BTNL3: variants seen among roughly 807,000 people sequenced by gnomAD.
The protein encoded by BTNL3 is butyrophilin like 3, also known as butyrophilin-like protein 3.
Under a neutral mutation model 40.1 loss-of-function variants are expected in BTNL3, and 20 were observed. The ratio of observed to expected loss-of-function variants is 0.50; its 90% CI spans 0.35 to 0.72. The LOEUF is 0.72. BTNL3 is among the 30% of genes least tolerant of loss of function. The pLI is 0.01. For synonymous variants in BTNL3, 179 were observed against 222.1 expected (o/e 0.81, Z 1.73); for missense variants, 449 against 582.2 (o/e 0.77, Z 2.35).
In BTNL3 at chr5:181,006,598, C is replaced by G. The variant is rs996841810; in HGVS notation, c.*726C>G. On this transcript the variant is annotated 3_prime_UTR_variant, in exon 8 of 8. Transcript: ENST00000342868. Reference sequence around the variant, plus strand: ...CTAAATAAAATTTTAACAAATTAAACTAAACAATATATTTAAAGATGATAT... The same window carrying G: ...CTAAATAAAATTTTAACAAATTAAAGTAAACAATATATTTAAAGATGATAT... The G allele has an allele frequency of 2.0e-5, 3 of 152,186 alleles. No homozygotes were observed. The highest frequency in any genetic ancestry group is 4.4e-5 in the Non-Finnish European group (3 of 68,042). The allele number at this position is 152,186 out of a possible 1,614,324, so 9.4% of individuals were successfully genotyped here.
rs757739808 is a variant in BTNL3 at position 180,995,200 on chromosome 5, G to T, written c.398-2013G>T. Among the ~76,000 whole-genome samples the T allele has an allele frequency of 1.5e-5, 2 of 136,304 alleles. 1 individual carries two copies. The highest frequency in any genetic ancestry group is 3.4e-5 in the Non-Finnish European group (2 of 59,634). The allele number at this position is 136,304 out of a possible 152,430, so 89.4% of individuals were successfully genotyped here. A position where few individuals can be genotyped will look rare whatever the true frequency, so the allele number is the denominator to read the frequency against. Reference sequence around the variant, plus strand: ...TGATTTGTTTTTTATAACATCTATGGTTTTTGTTTTTTAAATTTTTTGAGA... The same window carrying T: ...TGATTTGTTTTTTATAACATCTATGTTTTTTGTTTTTTAAATTTTTTGAGA... On this transcript the variant is annotated intron_variant, in intron 2 of 7. Transcript: ENST00000342868.
chr5:181,004,825 G>C, intron 7 of BTNL3, 63 bp downstream of exon 7: 1 of 1,613,988 alleles, frequency 6.2e-7, no homozygotes. Context: ...GACAGATATG[G>C]AGCCCATCCA....
Position 181,000,956 on chromosome 5 carries a change from A to G in BTNL3, c.674-1716A>G, listed in dbSNP as rs968084209. On this transcript the variant is annotated intron_variant, in intron 3 of 7. Transcript: ENST00000342868. ...CACTTCAATAAGGGAAGAAAATGTAAAAGTTATAACTTTTAGAAAGAAAAA... is the reference window on the plus strand; with the variant it reads ...CACTTCAATAAGGGAAGAAAATGTAGAAGTTATAACTTTTAGAAAGAAAAA... Among the ~76,000 whole-genome samples, 36 of 137,114 alleles carry G rather than the reference A, an allele frequency of 2.6e-4. 9 individuals are homozygous for G. Among genetic ancestry groups the G allele is most frequent in the Admixed American group, 2.0e-3 (26 of 13,080 alleles). The allele number at this position is 137,114 out of a possible 152,430, so 90.0% of individuals were successfully genotyped here.
chr5:181,000,791 C>T (rs192477358), intron 3 of BTNL3, among the ~76,000 whole-genome samples: 4 of 130,840 alleles, frequency 3.1e-5, no homozygotes, highest in Admixed American at 8.2e-5. Context: ...CCGGCCTGGG[C>T]GACAGAGCGA....
rs1424365246 is a variant in BTNL3 at position 181,006,061 on chromosome 5, A to G, written c.*189A>G. ...TGCAGCAGCGGCAGTCACAGCTTCC[A>G]GATGAGGGGGGATTGGCCTGACCCT... On this transcript the variant is annotated 3_prime_UTR_variant, in exon 8 of 8. Coordinates refer to ENST00000342868, the MANE Select transcript of BTNL3 (RefSeq NM_197975.3). The G allele has an allele frequency of 3.2e-6, 2 of 633,384 alleles. No homozygotes were observed. The highest frequency in any genetic ancestry group is 1.8e-5 in the African/African-American group (1 of 54,598). 39.2% of individuals were successfully genotyped at this position (633,384 alleles called of 1,614,324 possible).
rs763058927 is a variant in BTNL3 at position 181,005,676 on chromosome 5, C to A, written c.1205C>A (p.Thr402Asn). 1.9e-6 allele frequency: 3 copies of A among 1,614,158 alleles called. No individual in the cohort carries two copies. Among genetic ancestry groups the A allele is most frequent in the Non-Finnish European group, 2.5e-6 (3 of 1,180,026 alleles). The change falls in exon 8 of 8, where the codon ACC becomes AAC. Residue 402 changes from threonine to asparagine, a missense_variant. This residue lies in a region of BTNL3 where 126 missense variants were observed against 117.2 expected (regional missense o/e 1.07). Coordinates refer to ENST00000342868, the MANE Select transcript of BTNL3 (RefSeq NM_197975.3). The part of the protein sequence containing the change: ...NPHFISLPPS[T>N]PPTRVGVFLD... ...CATTTTATCAGCCTCCCCCCCAGCA[C>A]CCCTCCTACACGAGTAGGGGTCTTC...
chr5:181,005,963 T>C lies in BTNL3; in HGVS notation c.*91T>C. The C allele has an allele frequency of 1.5e-6, 2 of 1,375,998 alleles. No homozygotes were observed. The highest frequency in any genetic ancestry group is 1.9e-6 in the Non-Finnish European group (2 of 1,028,446). The allele number at this position is 1,375,998 out of a possible 1,614,324, so 85.2% of individuals were successfully genotyped here. Reference sequence around the variant, plus strand: ...CCCGACAGGTGGCCCCAGCTTCCTCTCCGGAGCCTGCGCACAGAGAGTCAC... The same window carrying C: ...CCCGACAGGTGGCCCCAGCTTCCTCCCCGGAGCCTGCGCACAGAGAGTCAC... On this transcript the variant is annotated 3_prime_UTR_variant, in exon 8 of 8. Coordinates refer to ENST00000342868, the MANE Select transcript of BTNL3 (RefSeq NM_197975.3).
Position 180,992,912 on chromosome 5 carries a change from C to G in BTNL3, c.149C>G (p.Ala50Gly). The change falls in exon 2 of 8, where the codon GCT becomes GGT. Residue 50 changes from alanine to glycine, a missense_variant. Ala to Gly is a moderately conservative substitution (Grantham distance 60). This residue lies in a region of BTNL3 where 323 missense variants were observed against 464.9 expected (regional missense o/e 0.69). Transcript: ENST00000342868. Reference sequence around the variant, plus strand: ...CTCTTTCCTGAGACCAGTGCAGAGGCTATGGAAGTGCGGTTCTTCAGGAAT... The same window carrying G: ...CTCTTTCCTGAGACCAGTGCAGAGGGTATGGAAGTGCGGTTCTTCAGGAAT... ...CSLFPETSAE[A>G]MEVRFFRNQF... is the part of the protein sequence containing the mutation. The G allele has an allele frequency of 1.6e-5, 23 of 1,463,426 alleles. 7 individuals carry two copies. The highest frequency in any genetic ancestry group is 2.1e-5 in the Non-Finnish European group (22 of 1,058,954). The allele number at this position is 1,463,426 out of a possible 1,614,324, so 90.7% of individuals were successfully genotyped here.
In BTNL3 at chr5:181,003,490, TA is replaced by T. The variant is rs1390825943; in HGVS notation, c.788-362del. ...AGGAAATAAAACTGACTGACTGAGA[TA>T]AAATGATAATCTCAGTAAGAGTCTT... On this transcript the variant is annotated intron_variant, in intron 4 of 7. Transcript: ENST00000342868. 3.6e-5 allele frequency among the ~76,000 whole-genome samples: 5 copies of T among 137,294 alleles called. 1 individual carries two copies. Among genetic ancestry groups the T allele is most frequent in the South Asian group, 4.3e-4 (2 of 4,630 alleles). 90.1% of individuals were successfully genotyped at this position (137,294 alleles called of 152,430 possible).
chr5:180,998,864 C>T (rs1283835405), intron 3 of BTNL3, among the ~76,000 whole-genome samples: 4 of 137,222 alleles, frequency 2.9e-5, no homozygotes, highest in African/African-American at 5.0e-5. Flanking sequence ...CAGTGGCTCA[C>T]GCCTGTAATC....
chr5:180,997,376 C>T lies in BTNL3; in HGVS notation c.561C>T (p.Ser187=). 3.4e-6 allele frequency: 5 copies of T among 1,463,842 alleles called. 1 individual carries two copies. Among genetic ancestry groups the T allele is most frequent in the Non-Finnish European group, 4.7e-6 (5 of 1,059,120 alleles). 90.7% of individuals were successfully genotyped at this position (1,463,842 alleles called of 1,614,324 possible). The change falls in exon 3 of 8, where the codon AGC becomes AGT. Residue 187 remains serine, a synonymous_variant. Transcript: ENST00000342868. ...CCAGAGCAAATGCAGATGGGTACAG[C>T]CTGTATGATGTGGAGATCTCCATTA... ...SDSRANADGY[S]LYDVEISIIV...
Position 181,005,586 on chromosome 5 carries a change from C to T in BTNL3, c.1115C>T (p.Ser372Phe). The change falls in exon 8 of 8, where the codon TCT (serine) becomes TTT (phenylalanine). Residue 372 changes from serine (S) to phenylalanine (F), a missense_variant. Ser to Phe is a radical substitution (Grantham distance 155). Transcript: ENST00000342868. ...AGGGGGAAGAACAATGTGACTTTGTCTCCCAACAATGGGTATTGGGTCCTC... is the reference window on the plus strand; with the variant it reads ...AGGGGGAAGAACAATGTGACTTTGTTTCCCAACAATGGGTATTGGGTCCTC... ...VDRGKNNVTLSPNNGYWVLRL... is the reference protein window; with the variant it reads ...VDRGKNNVTLFPNNGYWVLRL... The T allele has an allele frequency of 6.2e-7, 1 of 1,614,018 alleles. No individual in the cohort carries two copies. Among genetic ancestry groups the T allele is most frequent in the Non-Finnish European group, 8.5e-7 (1 of 1,179,994 alleles).
Position 181,001,663 on chromosome 5 carries a change from G to A in BTNL3, c.674-1009G>A, listed in dbSNP as rs528778852. 3.0e-5 allele frequency among the ~76,000 whole-genome samples: 4 copies of A among 133,332 alleles called. 2 individuals are homozygous for A. In the East Asian group the frequency reaches 9.0e-4, roughly 30 times the overall value. 87.5% of individuals were successfully genotyped at this position (133,332 alleles called of 152,430 possible). On this transcript the variant is annotated intron_variant, in intron 3 of 7. Coordinates refer to ENST00000342868, the MANE Select transcript of BTNL3 (RefSeq NM_197975.3). ...GATCGAGACCATCCTGGCTAACATG[G>A]TGAAACCCCATCTCTACTAAAAATA... is the stretch of plus-strand genomic sequence containing the variant.
In BTNL3 at chr5:181,000,827, T is replaced by A. The variant is rs574359656; in HGVS notation, c.674-1845T>A. Among the ~76,000 whole-genome samples, 41 of 133,552 alleles carry A rather than the reference T, an allele frequency of 3.1e-4. 4 individuals carry two copies. The South Asian group carries it at 7.2e-3, about 23-fold the overall frequency. 87.6% of individuals were successfully genotyped at this position (133,552 alleles called of 152,430 possible). A position where few individuals can be genotyped will look rare whatever the true frequency, so the allele number is the denominator to read the frequency against. The stretch of plus-strand genomic sequence containing the variant: ...GACTCCGTCTCAAAAAAAAATAAAA[T>A]AAAATAAAAAAATAAAATAAAATAA... On this transcript the variant is annotated intron_variant, in intron 3 of 7. Coordinates refer to ENST00000342868, the MANE Select transcript of BTNL3 (RefSeq NM_197975.3).
At chr5:180,997,989 G>T (rs1407710404) in intron 3 of BTNL3, among the ~76,000 whole-genome samples, 1 of 136,134 alleles carries the variant, frequency 7.3e-6, no homozygotes, top group Non-Finnish European at 1.7e-5. Context: ...AAATCTCATC[G>T]CTTGAACCCA....
rs889604734 is a variant in BTNL3, at chr5:180,998,229, G to A, written c.673+741G>A. Among the ~76,000 whole-genome samples the A allele has an allele frequency of 4.4e-5, 6 of 136,646 alleles. 1 individual carries two copies. Among genetic ancestry groups the A allele is most frequent in the African/African-American group, 1.5e-4 (6 of 39,760 alleles). 89.6% of individuals were successfully genotyped at this position (136,646 alleles called of 152,430 possible). A position where few individuals can be genotyped will look rare whatever the true frequency, so the allele number is the denominator to read the frequency against. ...CACGAAGAATTGAACAGATATATTA[G>A]TGTCAAGAAAAGGAAGACAAAGTTG... is the stretch of plus-strand genomic sequence containing the variant. On this transcript the variant is annotated intron_variant, in intron 3 of 7. Transcript: ENST00000342868.
At position 181,006,017 on chromosome 5, in the gene BTNL3, G is replaced by C; in HGVS notation, c.*145G>C. ...CCCCACTCTCCTTTAGGGAGCTGAG[G>C]TTCTTCTGCCCTGAGCCCTGCAGCA... On this transcript the variant is annotated 3_prime_UTR_variant, in exon 8 of 8. Transcript: ENST00000342868. The C allele has an allele frequency of 1.1e-6, 1 of 935,120 alleles. No homozygotes were observed. The highest frequency in any genetic ancestry group is 1.9e-5 in the South Asian group (1 of 51,742). 57.9% of individuals were successfully genotyped at this position (935,120 alleles called of 1,614,324 possible).
intron 3 of BTNL3, among the ~76,000 whole-genome samples, chr5:181,000,821 A>G (rs1760098848): frequency 7.4e-6 from 1 of 135,816 alleles, no homozygotes; most frequent in Non-Finnish European, 1.7e-5. Flanking sequence ...TCAAAAAAAA[A>G]TAAAATAAAA....
intron 2 of BTNL3, among the ~76,000 whole-genome samples, chr5:180,993,571 C>A (rs1582086548): frequency 7.4e-6 from 1 of 135,748 alleles, no homozygotes; most frequent in Non-Finnish European, 1.7e-5. Flanking sequence ...GTAGTGTTTT[C>A]TTAGGTGCTG....
Sources: allele counts gnomAD v4.1 joint callset (sites outside exome capture counted in the v4.1 genomes callset), GRCh38; gene constraint gnomAD v4.1.1; regional missense constraint gnomAD v4.1.1; transcripts MANE v1.5; gene names NCBI Gene and HGNC (gene_info 2026-07-23, HGNC 2026-07-21).